WWOX: variants seen among roughly 807,000 people sequenced by gnomAD.
The protein encoded by WWOX is WW domain containing oxidoreductase.
Under a neutral mutation model 46.2 loss-of-function variants are expected in WWOX, and 69 were observed. That is an observed-to-expected ratio of 1.49 (90% CI 1.23 to 1.82). The LOEUF (loss-of-function observed/expected upper bound fraction) is 1.82, where lower values mean the gene tolerates loss of function less well. WWOX is among the 40% of genes most tolerant of loss of function. The pLI, the probability that WWOX is intolerant of heterozygous loss-of-function variation, is 0.00. For synonymous variants in WWOX, 359 were observed against 202.6 expected (o/e 1.77, Z -6.56); for missense variants, 919 against 542.6 (o/e 1.69, Z -6.89).
At chr16:78,679,557 T>A (rs2047681871) in intron 8 of WWOX, among the ~76,000 whole-genome samples, 1 of 151,932 alleles carries the variant, frequency 6.6e-6, no homozygotes, top group Non-Finnish European at 1.5e-5. Context: ...TCTCAAAACA[T>A]AAGTAAATAA....
chr16:78,781,183 T>C (rs2050314568), intron 8 of WWOX, among the ~76,000 whole-genome samples: 1 of 152,016 alleles, frequency 6.6e-6, no homozygotes, highest in South Asian at 2.1e-4. Context: ...GTTGATGGGG[T>C]GTGTTGTGAC....
At chr16:78,166,011 C>A (rs984845502) in intron 5 of WWOX, among the ~76,000 whole-genome samples, 2 of 151,778 alleles carry the variant, frequency 1.3e-5, no homozygotes, top group Non-Finnish European at 2.9e-5. Context: ...AATGGGAATA[C>A]GTGCATCTTA....
intron 8 of WWOX, among the ~76,000 whole-genome samples, chr16:78,603,600 A>G (rs1026000187): frequency 2.0e-5 from 3 of 152,128 alleles, no homozygotes; most frequent in Non-Finnish European, 4.4e-5. Context: ...AGACTGAGGC[A>G]GGAGAATCGC....
At chr16:78,323,832 T>G (rs1366384976) in intron 5 of WWOX, among the ~76,000 whole-genome samples, 2 of 152,180 alleles carry the variant, frequency 1.3e-5, no homozygotes, top group Non-Finnish European at 2.9e-5. Flanking sequence ...TTTTTGAGCC[T>G]AAAACTGGAT....
rs192471531 is a variant in WWOX at position 78,756,949 on chromosome 16, G to A, written c.1056+324197G>A. 1.4e-4 allele frequency: 100 copies of A among 703,024 alleles called. No individual in the cohort carries two copies. The East Asian group carries it at 2.5e-3, about 18-fold the overall frequency. 43.5% of individuals were successfully genotyped at this position (703,024 alleles called of 1,614,324 possible). ...GGATCATTCACTCTAGGAAAAGCCA[G>A]CTGCCATGTTGGGAGGATACTCAAG... is the stretch of plus-strand genomic sequence containing the variant. On this transcript the variant is annotated intron_variant, in intron 8 of 8. Transcript: ENST00000566780.
rs575732562 is a variant in WWOX at position 78,660,256 on chromosome 16, G to A, written c.1056+227504G>A. Reference sequence around the variant, plus strand: ...ACCTTAAAGAATAAGTGGTAGATGCGGACTGGCCACTGTGAGCCCATCACT... The same window carrying A: ...ACCTTAAAGAATAAGTGGTAGATGCAGACTGGCCACTGTGAGCCCATCACT... On this transcript the variant is annotated intron_variant, in intron 8 of 8. Coordinates refer to ENST00000566780, the MANE Select transcript of WWOX (RefSeq NM_016373.4). Among the ~76,000 whole-genome samples, 9 of 152,182 alleles carry A rather than the reference G, an allele frequency of 5.9e-5. No homozygotes were observed. The East Asian group carries it at 1.4e-3, about 23-fold the overall frequency.
intron 8 of WWOX, among the ~76,000 whole-genome samples, chr16:79,115,231 C>T (rs1337511074): frequency 6.6e-6 from 1 of 152,202 alleles, no homozygotes; most frequent in Non-Finnish European, 1.5e-5. Flanking sequence ...GGCTGGAATT[C>T]TCTCTAACAA....
At chr16:78,940,743 C>T (rs12596852) in intron 8 of WWOX, among the ~76,000 whole-genome samples, 85,779 of 149,768 alleles carry the variant, frequency 0.57, 24,626 homozygotes, top group Middle Eastern at 0.62. Flanking sequence ...TTTTTTTTCC[C>T]TTTCAGTATT....
At position 78,268,195 on chromosome 16, in the gene WWOX, A is replaced by C. The variant is rs113194467; in HGVS notation, c.516+103906A>C. ...GCTGGAAGTACTTCACAAAGGCTCC[A>C]TTTGAAAAGTGGCTACAAATAAAAG... On this transcript the variant is annotated intron_variant, in intron 5 of 8. Coordinates refer to ENST00000566780, the MANE Select transcript of WWOX (RefSeq NM_016373.4). Among the ~76,000 whole-genome samples, 401 of 152,362 alleles carry C rather than the reference A, an allele frequency of 2.6e-3. 1 individual carries two copies. The highest frequency in any genetic ancestry group is 0.01 in the Middle Eastern group (3 of 294).
chr16:79,189,274 C>G (rs1430944396), intron 8 of WWOX, among the ~76,000 whole-genome samples: 1 of 150,102 alleles, frequency 6.7e-6, no homozygotes, highest in African/African-American at 2.5e-5. Context: ...TTTGTTTTTT[C>G]TGAGACAGGA....
At chr16:79,179,604 G>C (rs1474822375) in intron 8 of WWOX, among the ~76,000 whole-genome samples, 1 of 152,220 alleles carries the variant, frequency 6.6e-6, no homozygotes, top group African/African-American at 2.4e-5. Context: ...GCTTCTGGCT[G>C]GTTCCTTGAG....
intron 8 of WWOX, among the ~76,000 whole-genome samples, chr16:78,811,890 G>A (rs750838910): frequency 7.2e-5 from 11 of 152,170 alleles, no homozygotes; most frequent in Non-Finnish European, 1.2e-4. Flanking sequence ...TCTTCTTACT[G>A]AGTCATGAGC....
chr16:79,059,168 T>C (rs2048316959), intron 8 of WWOX, among the ~76,000 whole-genome samples: 1 of 152,220 alleles, frequency 6.6e-6, no homozygotes, highest in Admixed American at 6.5e-5. Context: ...TATGGAACAA[T>C]AATTGTGTTT....
At chr16:78,527,761 G>A (rs1246178349) in intron 8 of WWOX, among the ~76,000 whole-genome samples, 1 of 114,484 alleles carries the variant, frequency 8.7e-6, no homozygotes, top group Non-Finnish European at 1.9e-5. Context: ...GCCTGCCAGG[G>A]AATGCATGTC....
chr16:78,997,810 C>T (rs1052483422), intron 8 of WWOX, among the ~76,000 whole-genome samples: 1 of 152,186 alleles, frequency 6.6e-6, no homozygotes, highest in Non-Finnish European at 1.5e-5. Flanking sequence ...TAGATTTTCT[C>T]TGCAGATTTC....
At chr16:78,675,023 T>C (rs1165635704) in intron 8 of WWOX, among the ~76,000 whole-genome samples, 1 of 152,198 alleles carries the variant, frequency 6.6e-6, no homozygotes, top group Non-Finnish European at 1.5e-5. Context: ...TGTGTTAATA[T>C]TATATATGTA....
At chr16:78,610,172 G>C (rs2045866393) in intron 8 of WWOX, among the ~76,000 whole-genome samples, 1 of 152,170 alleles carries the variant, frequency 6.6e-6, no homozygotes, top group Non-Finnish European at 1.5e-5. Flanking sequence ...GGATTCGCTT[G>C]ATATACCTTC....
At chr16:78,992,274 A>G (rs1284733792) in intron 8 of WWOX, among the ~76,000 whole-genome samples, 3 of 149,736 alleles carry the variant, frequency 2.0e-5, no homozygotes, top group Non-Finnish European at 3.0e-5. Context: ...CTGCCTGTAC[A>G]GTGTTCTGCG....
chr16:78,751,774 G>C (rs2049486872), intron 8 of WWOX, among the ~76,000 whole-genome samples: 1 of 151,640 alleles, frequency 6.6e-6, no homozygotes, highest in Non-Finnish European at 1.5e-5. Context: ...AGGGAAGAAG[G>C]AGGGAGGGAG....
Sources: gnomAD v4.1 joint callset for allele counts (sites outside exome capture counted in the v4.1 genomes callset) on GRCh38, gnomAD v4.1.1 for gene constraint, MANE v1.5 for transcripts, NCBI Gene and HGNC (gene_info 2026-07-23, HGNC 2026-07-21) for gene names.